Variants in PDE9A observed in about 807,000 individuals in gnomAD.
The protein encoded by PDE9A is high affinity cGMP-specific 3',5'-cyclic phosphodiesterase 9A.
Under a neutral mutation model 87.4 loss-of-function variants are expected in PDE9A, and 60 were observed. The ratio of observed to expected loss-of-function variants is 0.69; its 90% CI spans 0.56 to 0.85. PDE9A has a LOEUF of 0.85. PDE9A is among the 40% of genes least tolerant of loss of function. The pLI is 0.00. For missense variants in PDE9A, 665 were observed against 779.0 expected, an observed-to-expected ratio of 0.85 and a Z score of 1.74; for synonymous variants, 272 against 279.4, an observed-to-expected ratio of 0.97 and a Z score of 0.27.
At chr21:42,733,685 G>A (rs1048889039) in intron 7 of PDE9A, 19 of 504,438 alleles carry the variant, frequency 3.8e-5, no homozygotes, top group Middle Eastern at 5.3e-4. Flanking sequence ...ATGAACACAC[G>A]AAGCCTTCCG....
rs769416478 is a variant in PDE9A at position 42,751,205 on chromosome 21, G to T, written c.735+8G>T. On this transcript the variant is annotated splice_region_variant and intron_variant, in intron 9 of 19. Coordinates refer to ENST00000291539, the MANE Select transcript of PDE9A (RefSeq NM_002606.3). ...GTTCCCACTTACCCCAAGGTAAGAT[G>T]AGATTCCGGCCCAGAAGAAGCTGCA... 13 of 1,597,748 alleles carry T rather than the reference G, an allele frequency of 8.1e-6. No individual in the cohort carries two copies. Among genetic ancestry groups the T allele is most frequent in the Middle Eastern group, 3.3e-4 (2 of 6,062 alleles).
intron 1 of PDE9A, among the ~76,000 whole-genome samples, chr21:42,654,115 G>T (rs2056865169): frequency 6.6e-6 from 1 of 152,126 alleles, no homozygotes; most frequent in African/African-American, 2.4e-5. Flanking sequence ...CGTTTCACAG[G>T]CAGAGCTTTT....
At chr21:42,770,983 C>A (rs868865001) in intron 18 of PDE9A, among the ~76,000 whole-genome samples, 185 bp downstream of exon 18, 3 of 152,216 alleles carry the variant, frequency 2.0e-5, no homozygotes, top group African/African-American at 7.2e-5. Context: ...TGAGGGAAAC[C>A]AAAACTGCAT....
At chr21:42,663,457 G>A (rs2057744979) in intron 1 of PDE9A, among the ~76,000 whole-genome samples, 1 of 152,246 alleles carries the variant, frequency 6.6e-6, no homozygotes, top group African/African-American at 2.4e-5. Flanking sequence ...GAAGGCACCC[G>A]TCTTCGCAGA....
chr21:42,750,036 G>T (rs1040437789), intron 8 of PDE9A, among the ~76,000 whole-genome samples: 4 of 152,234 alleles, frequency 2.6e-5, no homozygotes, highest in African/African-American at 9.6e-5. Context: ...TACTCAGGAG[G>T]CTGAAGCACG....
At chr21:42,775,229 C>A in intron 19 of PDE9A, 51 bp from the exon 20 acceptor site, 1 of 1,599,474 alleles carries the variant, frequency 6.3e-7, no homozygotes, top group Non-Finnish European at 8.6e-7. Context: ...TGTGAGCCAC[C>A]GCGCCCTAAT....
intron 4 of PDE9A, among the ~76,000 whole-genome samples, chr21:42,714,936 A>C (rs968879827): frequency 3.4e-5 from 5 of 148,448 alleles, no homozygotes; most frequent in Admixed American, 6.7e-5. Flanking sequence ...GGTTAGCTCT[A>C]CCTGTCTTTG....
Position 42,705,539 on chromosome 21 carries a change from C to A in PDE9A, c.262+6528C>A, listed in dbSNP as rs971713180. On this transcript the variant is annotated intron_variant, in intron 4 of 19. Coordinates refer to ENST00000291539, the MANE Select transcript of PDE9A (RefSeq NM_002606.3). The surrounding 1 kb of genome is among the most constrained non-coding windows in gnomAD (Gnocchi z 4.3). The stretch of plus-strand genomic sequence containing the variant: ...CAGGGCCTCCCTCAGCGTGGCAGAT[C>A]GCGTGGGTCCATGGGTCCGTGTGAT... Among the ~76,000 whole-genome samples, 6 of 152,066 alleles carry A rather than the reference C, an allele frequency of 3.9e-5. No individual in the cohort carries two copies. Among genetic ancestry groups the A allele is most frequent in the Admixed American group, 3.3e-4 (5 of 15,268 alleles).
chr21:42,762,034 A>G (rs2055838979), intron 13 of PDE9A, 49 bp from the exon 14 acceptor site: 1 of 1,576,516 alleles, frequency 6.3e-7, no homozygotes, highest in Non-Finnish European at 8.7e-7. Context: ...CCGTGCAGGT[A>G]CCTGGTGAGG....
intron 4 of PDE9A, among the ~76,000 whole-genome samples, chr21:42,727,468 C>T (rs1168301765): frequency 6.7e-6 from 1 of 148,352 alleles, no homozygotes; most frequent in Non-Finnish European, 1.5e-5. Context: ...GAACCACAGG[C>T]ACATGCCACC....
chr21:42,730,988 G>A (rs1038156439), intron 4 of PDE9A, among the ~76,000 whole-genome samples: 7 of 152,180 alleles, frequency 4.6e-5, no homozygotes, highest in South Asian at 2.1e-4. Context: ...ATGGAGTTTC[G>A]CTCTTGTTCC....
At chr21:42,658,566 G>A (rs1569091428) in intron 1 of PDE9A, among the ~76,000 whole-genome samples, 2 of 152,188 alleles carry the variant, frequency 1.3e-5, no homozygotes, top group South Asian at 2.1e-4. Context: ...GGCATGGGCT[G>A]CTCAGCCCAC....
At chr21:42,703,042 G>A (rs1034741716) in intron 4 of PDE9A, among the ~76,000 whole-genome samples, 1 of 152,360 alleles carries the variant, frequency 6.6e-6, no homozygotes, top group East Asian at 1.9e-4. Context: ...GGCCTAGGCC[G>A]GGGTGGGGGC....
rs1413152998 is a variant in PDE9A, at chr21:42,729,109, G to T, written c.263-2661G>T. ...ACATTTGGTAGAATTCTCTATAAAT[G>T]TTTAGAACCATCTTGGCCTGGACAT... On this transcript the variant is annotated intron_variant, in intron 4 of 19. Coordinates refer to ENST00000291539, the MANE Select transcript of PDE9A (RefSeq NM_002606.3). Among the ~76,000 whole-genome samples the T allele has an allele frequency of 2.0e-5, 3 of 151,844 alleles. No homozygotes were observed. The East Asian group carries it at 5.8e-4, about 29-fold the overall frequency.
intron 4 of PDE9A, among the ~76,000 whole-genome samples, chr21:42,717,672 G>A (rs1221576229): frequency 6.6e-6 from 1 of 151,354 alleles, no homozygotes; most frequent in Non-Finnish European, 1.5e-5. Context: ...GATTACAGGC[G>A]TGAACCACCG....
rs763576131 is a variant in PDE9A, at chr21:42,675,608, G to T, written c.70-10584G>T. Among the ~76,000 whole-genome samples, 1 of 152,184 alleles carries T rather than the reference G, an allele frequency of 6.6e-6. No individual in the cohort carries two copies. The highest frequency in any genetic ancestry group is 2.4e-5 in the African/African-American group (1 of 41,452). On this transcript the variant is annotated intron_variant, in intron 1 of 19. Coordinates refer to ENST00000291539, the MANE Select transcript of PDE9A (RefSeq NM_002606.3). The surrounding 1 kb of genome is among the most constrained non-coding windows in gnomAD (Gnocchi z 4.3). ...GTGTGGATACACGGGCCCGAACGGC[G>T]CCAGCCTCACTGCCTCTGCGTTAGT...
At chr21:42,763,788 C>A (rs1369222101) in intron 14 of PDE9A, among the ~76,000 whole-genome samples, 1 of 152,234 alleles carries the variant, frequency 6.6e-6, no homozygotes, top group Non-Finnish European at 1.5e-5. Flanking sequence ...ACCCTCCAGG[C>A]GTGCTGCTGA....
At chr21:42,724,375 A>G (rs1262614531) in intron 4 of PDE9A, among the ~76,000 whole-genome samples, 1 of 152,228 alleles carries the variant, frequency 6.6e-6, no homozygotes, top group Non-Finnish European at 1.5e-5. Context: ...CTTGACATGC[A>G]TGAAATCACA....
chr21:42,705,424 TC>T lies in PDE9A; in HGVS notation c.262+6418del, dbSNP rs2048739817. Among the ~76,000 whole-genome samples the T allele has an allele frequency of 6.6e-6, 1 of 152,082 alleles. No homozygotes were observed. The highest frequency in any genetic ancestry group is 1.5e-5 in the Non-Finnish European group (1 of 68,000). On this transcript the variant is annotated intron_variant, in intron 4 of 19. Transcript: ENST00000291539. This position sits in a 1 kb window ranked among gnomAD's most constrained non-coding sequence, Gnocchi z 4.3. Reference sequence around the variant, plus strand: ...CTCAGCTGATGGCGGTTGACGGGTGTCCCCCGAGTGCCCTCGGCTGCCAGGA... The same window carrying T: ...CTCAGCTGATGGCGGTTGACGGGTGTCCCCGAGTGCCCTCGGCTGCCAGGA...
Sources: allele counts gnomAD v4.1 joint callset (sites outside exome capture counted in the v4.1 genomes callset), GRCh38; gene constraint gnomAD v4.1.1; non-coding constraint Gnocchi (gnomAD v3.1); transcripts MANE v1.5; gene names NCBI Gene and HGNC (gene_info 2026-07-23, HGNC 2026-07-21).